Variants in LRRIQ1 observed in about 807,000 individuals in gnomAD.
LRRIQ1 encodes leucine-rich repeat- and IQ domain-containing protein 1.
LRRIQ1 carries 210 observed loss-of-function variants against 211.9 expected under a neutral mutation model. The observed-to-expected ratio is 0.99, with a 90% confidence interval of 0.89 to 1.11. LRRIQ1 has a LOEUF of 1.11. LRRIQ1 is among the 50% of genes most tolerant of loss of function. The probability of loss-of-function intolerance (pLI) is 0.00; values close to 1 mark genes in which losing one functional copy is unlikely to be tolerated. For synonymous variants in LRRIQ1, 699 were observed against 650.1 expected (o/e 1.08, Z -1.14); for missense variants, 2,136 against 1,939.5 (o/e 1.10, Z -1.90).
chr12:85,164,767 T>C (rs1891068742), intron 24 of LRRIQ1, among the ~76,000 whole-genome samples: 1 of 152,090 alleles, frequency 6.6e-6, no homozygotes, highest in Non-Finnish European at 1.5e-5. Flanking sequence ...TGAAGGGAAA[T>C]GGTAATAATT....
chr12:85,120,078 T>C (rs567800378), intron 15 of LRRIQ1, among the ~76,000 whole-genome samples: 1 of 152,328 alleles, frequency 6.6e-6, no homozygotes, highest in African/African-American at 2.4e-5. Flanking sequence ...TGAACTCTCC[T>C]TCCTTTTGCA....
intron 1 of LRRIQ1, among the ~76,000 whole-genome samples, chr12:85,262,274 C>T (rs1340310775): frequency 6.6e-6 from 1 of 152,002 alleles, no homozygotes; most frequent in Admixed American, 6.6e-5. Flanking sequence ...GATCTTACTA[C>T]CACTTACAAC....
Position 85,046,022 on chromosome 12 carries a change from A to G in LRRIQ1, c.339A>G (p.Ile113Met), listed in dbSNP as rs770286393. The change falls in exon 5 of 27, where the codon ATA becomes ATG. Residue 113 changes from isoleucine (I) to methionine (M), a missense_variant and splice_region_variant. By Grantham distance (10) the Ile-to-Met change is conservative. Transcript: ENST00000393217. ...YEESSEQLIK[I>M]LSEIEKEEFM... ...TTGGTACTCATTTAACCTCTTAGAT[A>G]TTATCTGAAATAGAAAAAGAAGAAT... 16 of 1,570,466 alleles carry G rather than the reference A, an allele frequency of 1.0e-5. No individual in the cohort carries two copies. In the South Asian group the frequency reaches 1.5e-4, roughly 14 times the overall value.
At chr12:85,194,886 T>C (rs1892811211) in intron 24 of LRRIQ1, among the ~76,000 whole-genome samples, 1 of 151,992 alleles carries the variant, frequency 6.6e-6, no homozygotes, top group African/African-American at 2.4e-5. Flanking sequence ...ATCCAGGAGC[T>C]GGTTTTTTGA....
intron 10 of LRRIQ1, among the ~76,000 whole-genome samples, chr12:85,069,142 C>T (rs1252464145): frequency 1.3e-5 from 2 of 148,318 alleles, no homozygotes; most frequent in East Asian, 4.0e-4. Context: ...ACCCTGTGTC[C>T]ATGTGTTCTC....
At chr12:85,188,346 T>C (rs887184172) in intron 24 of LRRIQ1, among the ~76,000 whole-genome samples, 2 of 152,126 alleles carry the variant, frequency 1.3e-5, no homozygotes, top group African/African-American at 4.8e-5. Flanking sequence ...GATTACAAGA[T>C]GTACATCTTA....
At chr12:85,154,690 A>G (rs2136684379) in intron 23 of LRRIQ1, among the ~76,000 whole-genome samples, 1 of 151,474 alleles carries the variant, frequency 6.6e-6, no homozygotes, top group East Asian at 1.9e-4. Context: ...ATGGAGTCAG[A>G]GAAGAAATAT....
intron 11 of LRRIQ1, among the ~76,000 whole-genome samples, chr12:85,083,500 C>G (rs1315776677): frequency 6.6e-6 from 1 of 151,146 alleles, no homozygotes; most frequent in Non-Finnish European, 1.5e-5. Flanking sequence ...AGTGCAGTGG[C>G]CTGATCTCAG....
rs528314788 is a variant in LRRIQ1 at position 85,053,874 on chromosome 12, A to G, written c.753+1623A>G. 3.3e-5 allele frequency among the ~76,000 whole-genome samples: 5 copies of G among 152,184 alleles called. No individual in the cohort carries two copies. In the East Asian group the frequency reaches 7.8e-4, roughly 24 times the overall value. On this transcript the variant is annotated intron_variant, in intron 7 of 26. Coordinates refer to ENST00000393217, the MANE Select transcript of LRRIQ1 (RefSeq NM_001079910.2). ...AGGCGCCCGCCACTGCGCCCAGCTA[A>G]TTTTTTGTATTGTTAGTAGACACAA... is the stretch of plus-strand genomic sequence containing the variant.
At chr12:85,242,323 A>C (rs1326921807) in intron 26 of LRRIQ1, among the ~76,000 whole-genome samples, 3 of 151,992 alleles carry the variant, frequency 2.0e-5, no homozygotes, top group Non-Finnish European at 4.4e-5. Context: ...CAAACAAAAA[A>C]TAACAATACA....
downstream of LRRIQ1, among the ~76,000 whole-genome samples, chr12:85,249,516 T>C (rs1895838813): frequency 6.6e-6 from 1 of 151,860 alleles, no homozygotes; most frequent in Admixed American, 6.6e-5. Context: ...GGTATTTTTA[T>C]ATAAACCACA....
chr12:85,063,926 T>C (rs1882135200), intron 8 of LRRIQ1, among the ~76,000 whole-genome samples: 1 of 151,830 alleles, frequency 6.6e-6, no homozygotes. Context: ...TTTTCTCTAT[T>C]CATTTCTCTG....
chr12:85,245,745 A>G (rs115664065), downstream of LRRIQ1, among the ~76,000 whole-genome samples: 332 of 151,004 alleles, frequency 2.2e-3, no homozygotes, highest in African/African-American at 7.7e-3. Context: ...ATTTTGCTTA[A>G]TATTACATTT....
At chr12:85,238,168 G>C (rs1895279022) in intron 26 of LRRIQ1, among the ~76,000 whole-genome samples, 1 of 151,420 alleles carries the variant, frequency 6.6e-6, no homozygotes, top group Admixed American at 6.6e-5. Context: ...TAGACATTGG[G>C]AAGAAAAGTG....
intron 24 of LRRIQ1, among the ~76,000 whole-genome samples, chr12:85,209,478 A>G (rs2137059896): frequency 6.6e-6 from 1 of 152,308 alleles, no homozygotes. Context: ...GGGAACTACA[A>G]TTCAAGATAT....
intron 15 of LRRIQ1, among the ~76,000 whole-genome samples, chr12:85,110,782 G>A (rs1887115071): frequency 6.6e-6 from 1 of 152,120 alleles, no homozygotes; most frequent in African/African-American, 2.4e-5. Context: ...AAGGTCAGAT[G>A]TAGCTAGACT....
chr12:85,102,944 C>CAAA (rs761217598), intron 13 of LRRIQ1, among the ~76,000 whole-genome samples: 65 of 87,714 alleles, frequency 7.4e-4, no homozygotes, highest in East Asian at 2.5e-3. Context: ...CTAATTGTGG[C>CAAA]AAAAAAAAAA....
intron 24 of LRRIQ1, among the ~76,000 whole-genome samples, chr12:85,192,528 T>C (rs1892592214): frequency 8.2e-6 from 1 of 121,468 alleles, no homozygotes; most frequent in South Asian, 2.3e-4. Context: ...TTATATAATA[T>C]AATTATATAT....
downstream of LRRIQ1, among the ~76,000 whole-genome samples, chr12:85,248,344 T>C (rs1397333821): frequency 6.6e-6 from 1 of 151,648 alleles, no homozygotes; most frequent in Non-Finnish European, 1.5e-5. Flanking sequence ...CAGTGATATA[T>C]CATCTTTAAT....
Sources: allele counts gnomAD v4.1 joint callset (sites outside exome capture counted in the v4.1 genomes callset), GRCh38; gene constraint gnomAD v4.1.1; transcripts MANE v1.5; gene names NCBI Gene and HGNC (gene_info 2026-07-23, HGNC 2026-07-21).